Variants in EGLN3 observed in about 807,000 individuals in gnomAD.
EGLN3 encodes egl-9 family hypoxia inducible factor 3.
A neutral mutation model predicts 26.0 loss-of-function variants in EGLN3; 15 were observed. The ratio of observed to expected loss-of-function variants is 0.58; its 90% CI spans 0.39 to 0.89. The LOEUF is 0.89. EGLN3 is among the 40% of genes least tolerant of loss of function. The probability of loss-of-function intolerance (pLI) is 0.00; values close to 1 mark genes in which losing one functional copy is unlikely to be tolerated. For synonymous variants in EGLN3, 147 were observed against 127.2 expected (o/e 1.16, Z -1.05); for missense variants, 238 against 311.6 (o/e 0.76, Z 1.78).
intron 1 of EGLN3, among the ~76,000 whole-genome samples, chr14:33,943,725 A>C (rs1014575612): frequency 2.3e-4 from 35 of 152,220 alleles, no homozygotes; most frequent in African/African-American, 8.4e-4. Context: ...AACTCTGCTC[A>C]TTAGAGGTTG....
chr14:33,936,216 C>T (rs377457170), intron 1 of EGLN3, among the ~76,000 whole-genome samples: 8 of 69,192 alleles, frequency 1.2e-4, no homozygotes, highest in East Asian at 6.2e-4. Context: ...GGCGACAGAG[C>T]GAGATGCTGT....
In EGLN3 at chr14:33,950,661, AG is replaced by A; in HGVS notation, c.91del (p.Leu31TrpfsTer122). 6.2e-7 allele frequency: 1 copy of A among 1,614,052 alleles called. No individual in the cohort carries two copies. Among genetic ancestry groups the A allele is most frequent in the Non-Finnish European group, 8.5e-7 (1 of 1,179,960 alleles). ...CACCACCTCGCCCAGGAAGTTGTCC[AG>A]GTAGCAGAAGCCCACCTCGTGCAGA... is the stretch of plus-strand genomic sequence containing the variant. ...PCLHEVGFCY[L>X]DNFLGEVVGD... On this transcript the variant is annotated frameshift_variant, in exon 1 of 5. Coordinates refer to ENST00000250457, the MANE Select transcript of EGLN3 (RefSeq NM_022073.4). LOFTEE classifies it high-confidence loss of function.
At chr14:33,932,794 C>CA in intron 1 of EGLN3, among the ~76,000 whole-genome samples, 1 of 152,158 alleles carries the variant, frequency 6.6e-6, no homozygotes, top group Non-Finnish European at 1.5e-5. Flanking sequence ...ATGATGGTAC[C>CA]ACTAAGCAAA....
At position 33,924,850 on chromosome 14, in the gene EGLN3, GCTT is replaced by G. The variant is rs1369983815; in HGVS notation, c.*1038_*1040del. 4 of 144,922 alleles carry G rather than the reference GCTT, an allele frequency of 2.8e-5. No individual in the cohort carries two copies. The highest frequency in any genetic ancestry group is 6.0e-5 in the Non-Finnish European group (4 of 66,990). 9.0% of individuals were successfully genotyped at this position (144,922 alleles called of 1,614,324 possible). ...CTAGGGACAGACGAGAACTCAAATA[GCTT>G]TGAGATTTTTTTATTTCCACTTCCT... On this transcript the variant is annotated 3_prime_UTR_variant, in exon 5 of 5. Transcript: ENST00000250457.
At chr14:33,932,589 TACA>T (rs1370672730) in intron 1 of EGLN3, among the ~76,000 whole-genome samples, 1 of 152,130 alleles carries the variant, frequency 6.6e-6, no homozygotes, top group Non-Finnish European at 1.5e-5. Flanking sequence ...AACTGGACTT[TACA>T]ACAATTTTAA....
At chr14:33,947,417 A>G (rs2064525686) in intron 1 of EGLN3, among the ~76,000 whole-genome samples, 1 of 152,184 alleles carries the variant, frequency 6.6e-6, no homozygotes, top group Admixed American at 6.5e-5. Flanking sequence ...TCTTGGCAGG[A>G]AGCAGAACCA....
intron 1 of EGLN3, chr14:33,931,471 T>G: frequency 2.2e-6 from 1 of 450,470 alleles, no homozygotes; most frequent in East Asian, 3.8e-5. Context: ...TACACAGTCT[T>G]TCTTAAAGTA....
chr14:33,951,002 G>A lies in EGLN3; in HGVS notation c.-250C>T, dbSNP rs909121999. On this transcript the variant is annotated 5_prime_UTR_variant, in exon 1 of 5. Transcript: ENST00000250457. ...CGACCCGTTTCCGGACTGGCCCGGC[G>A]AGCAGTGCGGCGCAAGGAGTCGGAG... The A allele has an allele frequency of 2.5e-5, 13 of 530,040 alleles. No homozygotes were observed. Among genetic ancestry groups the A allele is most frequent in the Non-Finnish European group, 1.7e-5 (5 of 300,504 alleles). The allele number at this position is 530,040 out of a possible 1,614,324, so 32.8% of individuals were successfully genotyped here. A position where few individuals can be genotyped will look rare whatever the true frequency, so the allele number is the denominator to read the frequency against.
chr14:33,934,843 CAAATT>C (rs1856910845), intron 1 of EGLN3, among the ~76,000 whole-genome samples: 1 of 152,182 alleles, frequency 6.6e-6, no homozygotes, highest in Non-Finnish European at 1.5e-5. Context: ...TTTAACTCAC[CAAATT>C]AAAGTACTAA....
At position 33,929,061 on chromosome 14, in the gene EGLN3, G is replaced by T; in HGVS notation, c.614+15C>A. 2.5e-6 allele frequency: 4 copies of T among 1,612,348 alleles called. No homozygotes were observed. Among genetic ancestry groups the T allele is most frequent in the South Asian group, 1.1e-5 (1 of 90,874 alleles). On this transcript the variant is annotated intron_variant, in intron 3 of 4. Coordinates refer to ENST00000250457, the MANE Select transcript of EGLN3 (RefSeq NM_022073.4). ...CACCAAGCTCCGGAAGAGGAATCAT[G>T]GCTCCGGCTATTACCTGGTTGCGTA... is the stretch of plus-strand genomic sequence containing the variant.
chr14:33,926,973 GA>G lies in EGLN3; in HGVS notation c.674del (p.Phe225SerfsTer4). 6.2e-7 allele frequency: 1 copy of G among 1,605,210 alleles called. No homozygotes were observed. The highest frequency in any genetic ancestry group is 8.5e-7 in the Non-Finnish European group (1 of 1,175,690). On this transcript the variant is annotated frameshift_variant, in exon 4 of 5. Transcript: ENST00000250457. LOFTEE classifies it high-confidence loss of function. ...AEERAEAKKK[F>X]RNLTRKTESA... is the part of the protein sequence containing the mutation. ...TCAAACACATACTAGTTAAATTCCT[GA>G]ATTTCTTTTTGGCTTCTGCCCTTTC...
intron 1 of EGLN3, among the ~76,000 whole-genome samples, chr14:33,933,554 T>C (rs545038038): frequency 6.6e-6 from 1 of 152,112 alleles, no homozygotes; most frequent in East Asian, 1.9e-4. Context: ...TTGGAAACAA[T>C]GGAAGGAAAT....
At chr14:33,945,980 C>A (rs1021322477) in intron 1 of EGLN3, among the ~76,000 whole-genome samples, 1 of 152,132 alleles carries the variant, frequency 6.6e-6, no homozygotes, top group Non-Finnish European at 1.5e-5. Context: ...AGGGGAGGAC[C>A]AATTGGTCTG....
Position 33,925,927 on chromosome 14 carries a change from G to A in EGLN3, c.689-5C>T, listed in dbSNP as rs1359402652. On this transcript the variant is annotated splice_polypyrimidine_tract_variant and splice_region_variant and intron_variant, in intron 4 of 4. Coordinates refer to ENST00000250457, the MANE Select transcript of EGLN3 (RefSeq NM_022073.4). ...TGAGGGCAGATTCAGTTTTCCCTGG[G>A]TTGGGGACAGAAAGGAGAATAAAGA... The A allele has an allele frequency of 3.8e-6, 6 of 1,597,400 alleles. No individual in the cohort carries two copies. The highest frequency in any genetic ancestry group is 5.1e-6 in the Non-Finnish European group (6 of 1,169,544).
intron 1 of EGLN3, among the ~76,000 whole-genome samples, chr14:33,946,353 G>A (rs930608123): frequency 1.3e-5 from 2 of 151,654 alleles, no homozygotes; most frequent in African/African-American, 4.9e-5. Flanking sequence ...TCCAACCTGC[G>A]CAACAGGAGC....
chr14:33,941,308 C>T (rs1004858106), intron 1 of EGLN3, among the ~76,000 whole-genome samples: 2 of 151,982 alleles, frequency 1.3e-5, no homozygotes, highest in South Asian at 4.2e-4. Flanking sequence ...CCCTAAGCCT[C>T]GTGGCCCTGG....
At chr14:33,939,543 G>A (rs1436689518) in intron 1 of EGLN3, among the ~76,000 whole-genome samples, 1 of 152,124 alleles carries the variant, frequency 6.6e-6, no homozygotes, top group Non-Finnish European at 1.5e-5. Context: ...ACCTACATAT[G>A]CATTTCAGCA....
rs547031908 is a variant in EGLN3 at position 33,927,454 on chromosome 14, C to T, written c.615-421G>A. Among the ~76,000 whole-genome samples, 9 of 152,238 alleles carry T rather than the reference C, an allele frequency of 5.9e-5. 1 individual carries two copies. The highest frequency in any genetic ancestry group is 4.1e-4 in the South Asian group (2 of 4,824). ...GATTGCAGGTGTGAGCCACCATGCC[C>T]GGCCTGTCTACGCTGATTTTAATTT... On this transcript the variant is annotated intron_variant, in intron 3 of 4. Coordinates refer to ENST00000250457, the MANE Select transcript of EGLN3 (RefSeq NM_022073.4).
intron 1 of EGLN3, among the ~76,000 whole-genome samples, chr14:33,944,402 GAGCCACTGCACCC>G (rs967258025): frequency 1.3e-5 from 2 of 152,134 alleles, no homozygotes; most frequent in Non-Finnish European, 2.9e-5. Context: ...TTACAGGTGT[GAGCCACTGCACCC>G]AGCCACCCTT....
Sources: gnomAD v4.1 joint callset for allele counts (sites outside exome capture counted in the v4.1 genomes callset) on GRCh38, gnomAD v4.1.1 for gene constraint, MANE v1.5 for transcripts, NCBI Gene and HGNC (gene_info 2026-07-23, HGNC 2026-07-21) for gene names.